PTPRT: variants seen among roughly 807,000 people sequenced by gnomAD.
PTPRT encodes the protein protein tyrosine phosphatase receptor type T, also known as receptor-type tyrosine-protein phosphatase T.
In PTPRT, 56 loss-of-function variants were observed where a neutral mutation model predicts 176.8. That is an observed-to-expected ratio of 0.32 (90% CI 0.26 to 0.40). The LOEUF (loss-of-function observed/expected upper bound fraction) is 0.40, where lower values mean the gene tolerates loss of function less well. PTPRT is among the 10% of genes least tolerant of loss of function. The probability of loss-of-function intolerance (pLI) is 1.00; values close to 1 mark genes in which losing one functional copy is unlikely to be tolerated. For missense variants in PTPRT, 1,540 were observed against 1,908.2 expected (o/e 0.81, Z 3.60); for synonymous variants, 783 against 739.0 (o/e 1.06, Z -0.96).
chr20:42,785,457 A>G (rs2077275495), intron 3 of PTPRT, among the ~76,000 whole-genome samples: 1 of 152,178 alleles, frequency 6.6e-6, no homozygotes, highest in South Asian at 2.1e-4. Context: ...CCATTTTGCT[A>G]GTGTCATTGG....
chr20:42,892,597 G>C (rs2079213864), intron 1 of PTPRT, among the ~76,000 whole-genome samples: 1 of 152,228 alleles, frequency 6.6e-6, no homozygotes, highest in African/African-American at 2.4e-5. Flanking sequence ...TTTGATGAAC[G>C]TGGCTGGAGA....
chr20:42,786,071 T>C (rs538974182), intron 3 of PTPRT, among the ~76,000 whole-genome samples: 16 of 152,280 alleles, frequency 1.1e-4, no homozygotes, highest in African/African-American at 3.9e-4. Flanking sequence ...TGTTTGACAG[T>C]TCCTCCTTCA....
intron 11 of PTPRT, among the ~76,000 whole-genome samples, chr20:42,345,448 TATAG>T (rs1458480892): frequency 6.7e-6 from 1 of 148,418 alleles, no homozygotes; most frequent in Non-Finnish European, 1.5e-5. Flanking sequence ...AACTAGTTAC[TATAG>T]ATATACATAT....
intron 7 of PTPRT, among the ~76,000 whole-genome samples, chr20:42,661,208 G>A (rs1396297741): frequency 2.6e-5 from 4 of 152,050 alleles, no homozygotes; most frequent in South Asian, 4.2e-4. Flanking sequence ...AGACCAACAA[G>A]GTCCTTTGCG....
At chr20:42,039,436 C>T in the PTPRT span, among the ~76,000 whole-genome samples, 1 of 151,946 alleles carries the variant, frequency 6.6e-6, no homozygotes, top group Non-Finnish European at 1.5e-5. Flanking sequence ...CTTACTCCTC[C>T]TATGTAACTA....
chr20:42,969,792 A>C (rs1003936513), intron 1 of PTPRT: 1 of 152,198 alleles, frequency 6.6e-6, no homozygotes, highest in African/African-American at 2.4e-5. Flanking sequence ...AACATGCTTG[A>C]TTTAAGGGTG....
chr20:43,082,127 C>T (rs746362643), intron 1 of PTPRT, among the ~76,000 whole-genome samples: 1 of 152,076 alleles, frequency 6.6e-6, no homozygotes, highest in Non-Finnish European at 1.5e-5. Context: ...TATTTTCAAC[C>T]TGTGTCTTTG....
chr20:42,647,526 A>G (rs1225790847), intron 7 of PTPRT, among the ~76,000 whole-genome samples: 2 of 152,148 alleles, frequency 1.3e-5, no homozygotes, highest in African/African-American at 4.8e-5. Context: ...GTGACAGCTA[A>G]TAGATGAAAC....
At chr20:42,084,647 C>A in intron 29 of PTPRT, 35 bp downstream of exon 29, 1 of 1,385,348 alleles carries the variant, frequency 7.2e-7, no homozygotes, top group Non-Finnish European at 9.5e-7. Flanking sequence ...TCACCCACCA[C>A]CCTATTGCCC....
chr20:42,565,713 G>A (rs1301641580), intron 7 of PTPRT, among the ~76,000 whole-genome samples: 1 of 152,116 alleles, frequency 6.6e-6, no homozygotes, highest in African/African-American at 2.4e-5. Context: ...ATCAGCCTGT[G>A]GGTCTGAAGG....
chr20:42,864,759 T>C lies in PTPRT; in HGVS notation c.214+21048A>G, dbSNP rs564607184. Among the ~76,000 whole-genome samples, 3 of 152,312 alleles carry C rather than the reference T, an allele frequency of 2.0e-5. No individual in the cohort carries two copies. The South Asian group carries it at 6.2e-4, about 32-fold the overall frequency. The stretch of plus-strand genomic sequence containing the variant: ...TCAAAGACCAAGGTTATCAAAGTTT[T>C]ATTTCAAACACAGGAAAGTAGTCTT... On this transcript the variant is annotated intron_variant, in intron 2 of 30. Coordinates refer to ENST00000373187, the MANE Select transcript of PTPRT (RefSeq NM_007050.6).
chr20:42,495,425 G>T (rs373059030), intron 7 of PTPRT, among the ~76,000 whole-genome samples: 1 of 152,104 alleles, frequency 6.6e-6, no homozygotes, highest in South Asian at 2.1e-4. Context: ...AAGTGGAGGA[G>T]TCTCACCTAT....
intron 7 of PTPRT, among the ~76,000 whole-genome samples, chr20:42,546,008 ATC>A (rs1432546430): frequency 6.6e-6 from 1 of 152,148 alleles, no homozygotes; most frequent in African/African-American, 2.4e-5. Context: ...TATTTCTTAT[ATC>A]TCTTTCAATA....
At chr20:42,941,454 T>C (rs559004768) in intron 1 of PTPRT, among the ~76,000 whole-genome samples, 1 of 152,322 alleles carries the variant, frequency 6.6e-6, no homozygotes. Context: ...TTTGCAATTG[T>C]CTTGCCTCTT....
At chr20:42,473,983 ATAG>A (rs2071243647) in intron 7 of PTPRT, among the ~76,000 whole-genome samples, 1 of 152,226 alleles carries the variant, frequency 6.6e-6, no homozygotes, top group African/African-American at 2.4e-5. Flanking sequence ...GATGATAATA[ATAG>A]TAGCTAACCT....
At chr20:42,693,787 G>T (rs2075826793) in intron 6 of PTPRT, among the ~76,000 whole-genome samples, 1 of 152,076 alleles carries the variant, frequency 6.6e-6, no homozygotes, top group African/African-American at 2.4e-5. Context: ...TGACCCTGGG[G>T]TAGGCAAACT....
At chr20:43,076,367 G>A (rs2011278411) in intron 1 of PTPRT, among the ~76,000 whole-genome samples, 1 of 151,570 alleles carries the variant, frequency 6.6e-6, no homozygotes, top group Non-Finnish European at 1.5e-5. Flanking sequence ...ATACTACCAT[G>A]CAATATATTT....
At chr20:43,003,581 T>G (rs769820118) in intron 1 of PTPRT, among the ~76,000 whole-genome samples, 1 of 152,240 alleles carries the variant, frequency 6.6e-6, no homozygotes, top group Non-Finnish European at 1.5e-5. Flanking sequence ...ATCACCTGAT[T>G]AGTCATTTTT....
chr20:42,885,754 A>T, intron 2 of PTPRT, 53 bp downstream of exon 2: 1 of 1,568,930 alleles, frequency 6.4e-7, no homozygotes, highest in Non-Finnish European at 8.7e-7. Flanking sequence ...CCCATGATTC[A>T]CGGTAAAAAC....
Sources: gnomAD v4.1 joint callset for allele counts (sites outside exome capture counted in the v4.1 genomes callset) on GRCh38, gnomAD v4.1.1 for gene constraint, MANE v1.5 for transcripts, NCBI Gene and HGNC (gene_info 2026-07-23, HGNC 2026-07-21) for gene names.